The following VRK1 variants were observed in gnomAD, a reference collection of about 807,000 sequenced individuals.
VRK1 encodes serine/threonine-protein kinase VRK1.
A neutral mutation model predicts 57.1 loss-of-function variants in VRK1; 33 were observed. The observed-to-expected ratio is 0.58, with a 90% CI of 0.44 to 0.77. The LOEUF is 0.77. Among genes scored for constraint, VRK1 ranks in the 30% least tolerant of loss-of-function variants. VRK1 has a pLI of 0.00. For missense variants in VRK1, 413 were observed against 477.3 expected, an observed-to-expected ratio of 0.87 and a Z score of 1.25; for synonymous variants, 137 against 147.8, an observed-to-expected ratio of 0.93 and a Z score of 0.53.
At chr14:96,802,750 A>G (rs564313832) in intron 1 of VRK1, among the ~76,000 whole-genome samples, 1 of 152,210 alleles carries the variant, frequency 6.6e-6, no homozygotes, top group Non-Finnish European at 1.5e-5. Flanking sequence ...TATTAGTGTC[A>G]CTTTCCTGCT....
intron 12 of VRK1, among the ~76,000 whole-genome samples, chr14:96,878,884 T>C (rs1229456797): frequency 6.6e-6 from 1 of 152,172 alleles, no homozygotes; most frequent in Non-Finnish European, 1.5e-5. Context: ...TTCAGAATTG[T>C]GCTAAAAATT....
At chr14:96,826,963 A>G (rs754001794) in intron 1 of VRK1, among the ~76,000 whole-genome samples, 2 of 152,188 alleles carry the variant, frequency 1.3e-5, no homozygotes, top group Admixed American at 6.5e-5. Flanking sequence ...CAAACAGGGT[A>G]TGGGAGGATG....
chr14:96,813,225 C>G (rs1250581111), intron 1 of VRK1, among the ~76,000 whole-genome samples: 3 of 152,216 alleles, frequency 2.0e-5, no homozygotes, highest in Non-Finnish European at 4.4e-5. Context: ...GTCCAGTGCT[C>G]TTAACACTGC....
chr14:96,875,479 A>T (rs569891924), intron 11 of VRK1, among the ~76,000 whole-genome samples: 1 of 152,346 alleles, frequency 6.6e-6, no homozygotes, highest in East Asian at 1.9e-4. Flanking sequence ...AAAGTATGCT[A>T]AAAGAGAAAC....
intron 1 of VRK1, among the ~76,000 whole-genome samples, chr14:96,807,364 C>T (rs180737271): frequency 3.9e-5 from 6 of 152,302 alleles, no homozygotes; most frequent in Admixed American, 3.3e-4. Context: ...CAAGTATTCT[C>T]AGTCTTTTTG....
chr14:96,806,091 C>T (rs556222347), intron 1 of VRK1, among the ~76,000 whole-genome samples: 1 of 151,948 alleles, frequency 6.6e-6, no homozygotes, highest in East Asian at 1.9e-4. Context: ...ACAGTTTGAC[C>T]AACATGTGAG....
At chr14:96,837,005 A>G (rs925650174) in intron 2 of VRK1, among the ~76,000 whole-genome samples, 16 of 152,110 alleles carry the variant, frequency 1.1e-4, no homozygotes, top group Admixed American at 2.6e-4. Context: ...CCTCTATAGC[A>G]CTTCACACTG....
At chr14:96,824,763 C>T (rs112031730) in intron 1 of VRK1, among the ~76,000 whole-genome samples, 4,865 of 151,510 alleles carry the variant, frequency 0.032, 122 homozygotes, top group Non-Finnish European at 0.049. Flanking sequence ...ACACCATTCT[C>T]CTGCCTCAGT....
intron 11 of VRK1, among the ~76,000 whole-genome samples, chr14:96,873,913 CT>C (rs1413967571): frequency 2.6e-5 from 4 of 152,174 alleles, no homozygotes; most frequent in Non-Finnish European, 5.9e-5. Context: ...CAGTAGAGTG[CT>C]TTACGTAATG....
intron 1 of VRK1, among the ~76,000 whole-genome samples, chr14:96,802,344 C>T (rs1885695843): frequency 6.6e-6 from 1 of 152,092 alleles, no homozygotes; most frequent in Non-Finnish European, 1.5e-5. Flanking sequence ...AGCTAAAAAC[C>T]AGAAACAACT....
At chr14:96,800,055 G>T (rs1302884514) in intron 1 of VRK1, among the ~76,000 whole-genome samples, 1 of 151,186 alleles carries the variant, frequency 6.6e-6, no homozygotes, top group Non-Finnish European at 1.5e-5. Context: ...TGTAGAAAAT[G>T]TTTAATAAAG....
intron 12 of VRK1, chr14:96,877,447 C>T (rs1316656908): frequency 1.1e-5 from 14 of 1,263,620 alleles, no homozygotes; most frequent in Non-Finnish European, 1.5e-5. Context: ...TGCTGTCTTC[C>T]TTTCGCTACT....
chr14:96,814,133 G>A (rs1441430425), intron 1 of VRK1, among the ~76,000 whole-genome samples: 1 of 152,028 alleles, frequency 6.6e-6, no homozygotes, highest in East Asian at 1.9e-4. Flanking sequence ...ACTCATTTAG[G>A]ATTAATTGAG....
At chr14:96,848,546 G>C (rs1887808255) in intron 5 of VRK1, among the ~76,000 whole-genome samples, 3 of 152,148 alleles carry the variant, frequency 2.0e-5, no homozygotes, top group African/African-American at 7.2e-5. Context: ...GGAGTGTGGG[G>C]ATCCCTGAAG....
intron 1 of VRK1, among the ~76,000 whole-genome samples, chr14:96,831,645 ATT>A (rs1253045926): frequency 6.6e-6 from 1 of 152,204 alleles, no homozygotes; most frequent in Non-Finnish European, 1.5e-5. Context: ...TTTAAAATAT[ATT>A]TTTGTCACTT....
intron 5 of VRK1, 107 bp from the exon 6 acceptor site, chr14:96,852,724 C>A: frequency 2.5e-6 from 2 of 787,184 alleles, no homozygotes; most frequent in Non-Finnish European, 4.4e-6. Flanking sequence ...TTAAAGAATA[C>A]TTCTTTACTA....
At chr14:96,820,492 T>C (rs1886558081) in intron 1 of VRK1, among the ~76,000 whole-genome samples, 1 of 152,204 alleles carries the variant, frequency 6.6e-6, no homozygotes, top group Admixed American at 6.5e-5. Context: ...ACACTGTATG[T>C]TCGTTAGCAG....
chr14:96,847,797 G>T (rs1887775709), intron 5 of VRK1, among the ~76,000 whole-genome samples: 1 of 152,150 alleles, frequency 6.6e-6, no homozygotes, highest in African/African-American at 2.4e-5. Flanking sequence ...CCTTTATGAG[G>T]GTTTTAGTCT....
chr14:96,863,153 T>C (rs1269185459), intron 11 of VRK1, among the ~76,000 whole-genome samples: 1 of 152,198 alleles, frequency 6.6e-6, no homozygotes, highest in African/African-American at 2.4e-5. Flanking sequence ...AAGCATAGAA[T>C]TTTGGGATGA....
Sources: allele counts gnomAD v4.1 joint callset (sites outside exome capture counted in the v4.1 genomes callset), GRCh38; gene constraint gnomAD v4.1.1; transcripts MANE v1.5; gene names NCBI Gene and HGNC (gene_info 2026-07-23, HGNC 2026-07-21).